NOVA1: variants seen among roughly 807,000 people sequenced by gnomAD.
The protein encoded by NOVA1 is RNA-binding protein Nova-1.
NOVA1 carries 7 observed loss-of-function variants against 38.0 expected under a neutral mutation model. That is an observed-to-expected ratio of 0.18 (90% confidence interval 0.10 to 0.35). NOVA1 has a LOEUF of 0.35. Among genes scored for constraint, NOVA1 ranks in the 10% least tolerant of loss-of-function variants. The pLI is 1.00. For synonymous variants in NOVA1, 270 were observed against 232.5 expected, an observed-to-expected ratio of 1.16 and a Z score of -1.47; for missense variants, 460 against 616.0, an observed-to-expected ratio of 0.75 and a Z score of 2.68.
At position 26,597,342 on chromosome 14, in the gene NOVA1, G is replaced by C. The variant is rs748105693; in HGVS notation, c.95C>G (p.Ala32Gly). The change falls in exon 1 of 5, where the codon GCC (alanine) becomes GGC (glycine). Residue 32 changes from alanine to glycine, a missense_variant. Coordinates refer to ENST00000539517, the MANE Select transcript of NOVA1 (RefSeq NM_002515.3). ...PPDSRKRPLE[A>G]PPEAGSTKRT... ...CTTGGTGCTGCCGGCTTCAGGGGGG[G>C]CTTCCAGCGGCCTTTTCCGCGAGTC... 4 of 1,263,636 alleles carry C rather than the reference G, an allele frequency of 3.2e-6. No homozygotes were observed. The Admixed American group carries it at 1.2e-4, about 39-fold the overall frequency. The allele number at this position is 1,263,636 out of a possible 1,614,324, so 78.3% of individuals were successfully genotyped here. A position where few individuals can be genotyped will look rare whatever the true frequency, so the allele number is the denominator to read the frequency against.
intron 4 of NOVA1, among the ~76,000 whole-genome samples, chr14:26,458,383 G>T (rs190151366): frequency 6.6e-6 from 1 of 152,228 alleles, no homozygotes; most frequent in Non-Finnish European, 1.5e-5. Flanking sequence ...GTACTAGTAT[G>T]TTCATCACAA....
chr14:26,454,037 T>C (rs1882949539), intron 4 of NOVA1, among the ~76,000 whole-genome samples: 1 of 152,192 alleles, frequency 6.6e-6, no homozygotes, highest in East Asian at 1.9e-4. Flanking sequence ...CAGATAAGGC[T>C]GACAATCTTT....
intron 2 of NOVA1, among the ~76,000 whole-genome samples, chr14:26,518,889 G>A (rs1041555597): frequency 2.0e-5 from 3 of 151,930 alleles, no homozygotes; most frequent in Non-Finnish European, 4.4e-5. Context: ...GAACTATTAC[G>A]ACGATTTTTC....
intron 2 of NOVA1, among the ~76,000 whole-genome samples, chr14:26,586,417 C>T (rs1342529222): frequency 1.3e-5 from 2 of 151,098 alleles, no homozygotes; most frequent in African/African-American, 2.4e-5. Context: ...TAGCCTCATG[C>T]TTATTTTTTA....
rs1476255153 is a variant in NOVA1, at chr14:26,446,744, A to C, written c.*1215T>G. On this transcript the variant is annotated 3_prime_UTR_variant, in exon 5 of 5. Transcript: ENST00000539517. ...TCTTGGGAACAAAGGCTTACTCTGA[A>C]ATGACCTGTCAAAAAGCCTGACAAA... is the stretch of plus-strand genomic sequence containing the variant. 2.0e-5 allele frequency: 3 copies of C among 152,648 alleles called. No individual in the cohort carries two copies. The highest frequency in any genetic ancestry group is 7.2e-5 in the African/African-American group (3 of 41,438). The allele number at this position is 152,648 out of a possible 1,614,324, so 9.5% of individuals were successfully genotyped here. A position where few individuals can be genotyped will look rare whatever the true frequency, so the allele number is the denominator to read the frequency against.
chr14:26,544,557 A>C (rs140415621), intron 2 of NOVA1, among the ~76,000 whole-genome samples: 1 of 152,012 alleles, frequency 6.6e-6, no homozygotes, highest in African/African-American at 2.4e-5. Flanking sequence ...ACCCTCTTTG[A>C]GCAAGGTTGA....
chr14:26,450,297 A>T (rs2138560396), intron 4 of NOVA1, among the ~76,000 whole-genome samples: 1 of 152,196 alleles, frequency 6.6e-6, no homozygotes, highest in African/African-American at 2.4e-5. Flanking sequence ...ATTTCAGGCA[A>T]TTTTGTTCTG....
At chr14:26,490,760 C>T (rs979424928) in intron 2 of NOVA1, among the ~76,000 whole-genome samples, 1 of 151,738 alleles carries the variant, frequency 6.6e-6, no homozygotes, top group African/African-American at 2.4e-5. Flanking sequence ...CTTACTGCAG[C>T]CACAAACTCC....
intron 2 of NOVA1, among the ~76,000 whole-genome samples, chr14:26,541,216 T>C (rs889774938): frequency 2.6e-5 from 4 of 152,228 alleles, no homozygotes; most frequent in Admixed American, 6.5e-5. Flanking sequence ...AAGTTGGAGT[T>C]GCAAAGAGAC....
chr14:26,486,959 C>T (rs1185893219), intron 2 of NOVA1, among the ~76,000 whole-genome samples: 2 of 151,890 alleles, frequency 1.3e-5, no homozygotes, highest in Non-Finnish European at 2.9e-5. Context: ...GACTATGTTA[C>T]CATTTATTTA....
intron 2 of NOVA1, among the ~76,000 whole-genome samples, chr14:26,539,919 A>C (rs1890351995): frequency 1.3e-5 from 2 of 152,172 alleles, no homozygotes; most frequent in Admixed American, 1.3e-4. Flanking sequence ...AAGCAAAAAT[A>C]GCCTGCTGCA....
rs755533933 is a variant in NOVA1 at position 26,448,350 on chromosome 14, C to A, written c.1133G>T (p.Gly378Val). ...ACCTAATGCAAATGTCCCCGCCGTA[C>A]CACCAGCTGTGCTGCCACTGGCTGA... ...EASASGSTAG[G>V]TAGTFALGSL... The change falls in exon 5 of 5, where the codon GGT (glycine) becomes GTT (valine). Residue 378 changes from glycine (G) to valine (V), a missense_variant. Transcript: ENST00000539517. The surrounding 1 kb of genome is among the most constrained non-coding windows in gnomAD (Gnocchi z 5.3). The A allele has an allele frequency of 1.9e-6, 3 of 1,614,070 alleles. No homozygotes were observed. The Admixed American group carries it at 5.0e-5, about 27-fold the overall frequency.
chr14:26,526,414 T>C (rs984973001), intron 2 of NOVA1, among the ~76,000 whole-genome samples: 3 of 152,126 alleles, frequency 2.0e-5, no homozygotes, highest in Admixed American at 2.0e-4. Flanking sequence ...TCCATGTCTT[T>C]TCAGAGAAGG....
intron 2 of NOVA1, among the ~76,000 whole-genome samples, chr14:26,507,214 A>G (rs1403832398): frequency 6.6e-6 from 1 of 152,070 alleles, no homozygotes; most frequent in Non-Finnish European, 1.5e-5. Context: ...TAAAGGGCAC[A>G]CCTACTTAAT....
intron 3 of NOVA1, among the ~76,000 whole-genome samples, chr14:26,472,796 G>A (rs555202301): frequency 2.1e-4 from 32 of 151,590 alleles, no homozygotes; most frequent in African/African-American, 6.3e-4. Flanking sequence ...GAATACAGTC[G>A]GAGATTTGAA....
At chr14:26,564,674 G>C (rs1030206311) in intron 2 of NOVA1, among the ~76,000 whole-genome samples, 1 of 152,140 alleles carries the variant, frequency 6.6e-6, no homozygotes, top group African/African-American at 2.4e-5. Flanking sequence ...AATTCACAGA[G>C]TTTGCAAGAG....
chr14:26,578,801 T>G (rs1893023816), intron 2 of NOVA1, among the ~76,000 whole-genome samples: 1 of 152,118 alleles, frequency 6.6e-6, no homozygotes, highest in Admixed American at 6.6e-5. Flanking sequence ...ACCCTAATAT[T>G]AATAAAGACA....
intron 2 of NOVA1, among the ~76,000 whole-genome samples, chr14:26,506,213 A>G (rs200124777): frequency 1.3e-5 from 2 of 148,964 alleles, no homozygotes; most frequent in Non-Finnish European, 3.0e-5. Context: ...AACACTTGTT[A>G]AACTATTCTT....
At chr14:26,551,837 A>G (rs1270625746) in intron 2 of NOVA1, among the ~76,000 whole-genome samples, 1 of 152,024 alleles carries the variant, frequency 6.6e-6, no homozygotes, top group Admixed American at 6.6e-5. Context: ...AGATATAAAG[A>G]TATAATAACC....
Sources: gnomAD v4.1 joint callset for allele counts (sites outside exome capture counted in the v4.1 genomes callset) on GRCh38, gnomAD v4.1.1 for gene constraint, Gnocchi (gnomAD v3.1) non-coding constraint, MANE v1.5 for transcripts, NCBI Gene and HGNC (gene_info 2026-07-23, HGNC 2026-07-21) for gene names.